The following ATP11B variants were observed in gnomAD, a reference collection of about 807,000 sequenced individuals.
The protein encoded by ATP11B is phospholipid-transporting ATPase IF.
In ATP11B, 81 loss-of-function variants were observed where a neutral mutation model predicts 157.8. The observed-to-expected ratio is 0.51, with a 90% CI of 0.43 to 0.62. The LOEUF (loss-of-function observed/expected upper bound fraction) is 0.62. ATP11B is among the 20% of genes least tolerant of loss of function. ATP11B has a pLI of 0.00. For missense variants in ATP11B, 1,165 were observed against 1,402.2 expected, an observed-to-expected ratio of 0.83 and a Z score of 2.70; for synonymous variants, 451 against 469.4, an observed-to-expected ratio of 0.96 and a Z score of 0.51.
chr3:182,914,254 T>G, intron 29 of ATP11B: 2 of 1,242,896 alleles, frequency 1.6e-6, no homozygotes, highest in Non-Finnish European at 2.0e-6. Context: ...ATAATCTTTC[T>G]AAAATGTGCT....
rs558436170 is a variant in ATP11B at position 182,831,937 on chromosome 3, T to C, written c.315+2185T>C. On this transcript the variant is annotated intron_variant, in intron 4 of 29. Transcript: ENST00000323116. ...TTAGCAGAACAAGACCATGCACATA[T>C]TGGGCCTTCAGTAGTTGTTTAACAG... 2.6e-5 allele frequency among the ~76,000 whole-genome samples: 4 copies of C among 152,270 alleles called. No homozygotes were observed. The South Asian group carries it at 6.2e-4, about 24-fold the overall frequency.
intron 9 of ATP11B, among the ~76,000 whole-genome samples, chr3:182,848,151 T>C (rs185335943): frequency 6.6e-6 from 1 of 152,244 alleles, no homozygotes; most frequent in Admixed American, 6.5e-5. Context: ...CTGCTGTATT[T>C]GTAATGGCCT....
intron 28 of ATP11B, among the ~76,000 whole-genome samples, chr3:182,906,135 C>T (rs1724333887): frequency 6.6e-6 from 1 of 152,114 alleles, no homozygotes; most frequent in Non-Finnish European, 1.5e-5. Flanking sequence ...TTTAGAGTTC[C>T]AAAGATAAAT....
chr3:182,916,590 A>AT, intron 29 of ATP11B: 1 of 985,102 alleles, frequency 1.0e-6, no homozygotes, highest in Non-Finnish European at 1.2e-6. Context: ...CTGTTCGTGT[A>AT]TTACTAACAG....
intron 13 of ATP11B, 110 bp from the exon 14 acceptor site, chr3:182,866,158 C>A: frequency 1.3e-6 from 1 of 764,378 alleles, no homozygotes; most frequent in Non-Finnish European, 1.9e-6. Context: ...GTTATTCAGG[C>A]AATCAAGGTT....
intron 14 of ATP11B, among the ~76,000 whole-genome samples, chr3:182,866,869 C>A (rs1721276720): frequency 6.9e-6 from 1 of 145,378 alleles, no homozygotes. Context: ...TTATATATAA[C>A]ATATATAAAT....
rs1423262558 is a variant in ATP11B at position 182,885,972 on chromosome 3, C to T, written c.2677C>T (p.Gln893Ter). 6.7e-7 allele frequency: 1 copy of T among 1,500,158 alleles called. No homozygotes were observed. The highest frequency in any genetic ancestry group is 1.4e-5 in the South Asian group (1 of 70,344). 92.9% of individuals were successfully genotyped at this position (1,500,158 alleles called of 1,614,324 possible). ...FYKNVCFITP[Q>*]FLYQFYCLFS... ...TCAGAATGTGTGCTTTATCACACCCCAGTTTTTATATCAGTTCTACTGTTT... is the reference window on the plus strand; with the variant it reads ...TCAGAATGTGTGCTTTATCACACCCTAGTTTTTATATCAGTTCTACTGTTT... Residue 893 changes from glutamine to a stop codon, truncating the protein, a stop_gained, in exon 23 of 30, where the codon CAG (glutamine) becomes TAG (stop). Coordinates refer to ENST00000323116, the MANE Select transcript of ATP11B (RefSeq NM_014616.3). LOFTEE classifies it high-confidence loss of function.
intron 12 of ATP11B, among the ~76,000 whole-genome samples, chr3:182,864,883 TCTTA>T (rs1472815260): frequency 2.0e-5 from 3 of 152,194 alleles, no homozygotes; most frequent in Admixed American, 6.5e-5. Context: ...AAATAATTTG[TCTTA>T]CTTACTTTTA....
intron 25 of ATP11B, among the ~76,000 whole-genome samples, chr3:182,894,537 T>C (rs1430095892): frequency 5.3e-5 from 8 of 152,142 alleles, no homozygotes; most frequent in Non-Finnish European, 1.2e-4. Context: ...ACTCACATTA[T>C]CACCTACCAG....
chr3:182,896,610 A>G (rs1723565587), intron 25 of ATP11B, 90 bp from the exon 26 acceptor site: 6 of 1,085,162 alleles, frequency 5.5e-6, no homozygotes, highest in Non-Finnish European at 8.4e-6. Context: ...AAATAATTCA[A>G]GGGATTTTTA....
intron 8 of ATP11B, chr3:182,844,194 A>G (rs1000726264): frequency 1.3e-5 from 2 of 152,178 alleles, no homozygotes; most frequent in African/African-American, 4.8e-5. Context: ...AGCTAAAAGT[A>G]TTTCTGTTTA....
intron 9 of ATP11B, among the ~76,000 whole-genome samples, chr3:182,846,290 T>C (rs1661755077): frequency 1.3e-5 from 2 of 150,638 alleles, no homozygotes; most frequent in Non-Finnish European, 1.5e-5. Flanking sequence ...AAGAAGTCCA[T>C]ATGTCGAGAA....
chr3:182,896,035 T>G (rs2108577063), intron 25 of ATP11B, among the ~76,000 whole-genome samples: 1 of 152,332 alleles, frequency 6.6e-6, no homozygotes, highest in South Asian at 2.1e-4. Flanking sequence ...TAACAATGAT[T>G]ACTTTGTAAA....
At chr3:182,834,829 A>T (rs2108509497) in intron 4 of ATP11B, among the ~76,000 whole-genome samples, 1 of 152,340 alleles carries the variant, frequency 6.6e-6, no homozygotes, top group Non-Finnish European at 1.5e-5. Flanking sequence ...TTGAAAATTC[A>T]TGTATAAGTT....
intron 1 of ATP11B, among the ~76,000 whole-genome samples, chr3:182,810,103 G>C (rs926032275): frequency 6.6e-6 from 1 of 152,098 alleles, no homozygotes. Context: ...AAGCCGAGGC[G>C]AGCAGATCAC....
At chr3:182,816,525 C>G (rs370678328) in intron 1 of ATP11B, among the ~76,000 whole-genome samples, 1 of 152,164 alleles carries the variant, frequency 6.6e-6, no homozygotes, top group African/African-American at 2.4e-5. Context: ...TAGTGTGAAA[C>G]TATGCTTGAA....
rs1723728466 is a variant in ATP11B, at chr3:182,898,590, A to C, written c.3153-17A>C. 1 of 1,574,320 alleles carries C rather than the reference A, an allele frequency of 6.4e-7. No individual in the cohort carries two copies. The highest frequency in any genetic ancestry group is 8.6e-7 in the Non-Finnish European group (1 of 1,161,446). ...TTCAGTTTCCACTTTTATTAAGCAC[A>C]TTTTCTTTCTTTGCAGGCCATTTTT... On this transcript the variant is annotated splice_polypyrimidine_tract_variant and intron_variant, in intron 27 of 29. Coordinates refer to ENST00000323116, the MANE Select transcript of ATP11B (RefSeq NM_014616.3).
At chr3:182,888,613 C>G (rs1436314962) in intron 24 of ATP11B, among the ~76,000 whole-genome samples, 2 of 152,074 alleles carry the variant, frequency 1.3e-5, no homozygotes, top group Non-Finnish European at 2.9e-5. Flanking sequence ...CTCAATCTCC[C>G]AGGTTCAAGC....
chr3:182,825,919 C>A (rs943597507), intron 2 of ATP11B, among the ~76,000 whole-genome samples: 1 of 151,884 alleles, frequency 6.6e-6, no homozygotes, highest in South Asian at 2.1e-4. Flanking sequence ...AATAAAATAA[C>A]CTTCTTGCAA....
Sources: allele counts gnomAD v4.1 joint callset (sites outside exome capture counted in the v4.1 genomes callset), GRCh38; gene constraint gnomAD v4.1.1; transcripts MANE v1.5; gene names NCBI Gene and HGNC (gene_info 2026-07-23, HGNC 2026-07-21).